TMEM94: variants seen among roughly 807,000 people sequenced by gnomAD.
TMEM94 encodes ER Mg2+ ATPase.
Under a neutral mutation model 158.6 loss-of-function variants are expected in TMEM94, and 81 were observed. That is an observed-to-expected ratio of 0.51 (90% confidence interval 0.43 to 0.61). The LOEUF is 0.61. Ranked by LOEUF, TMEM94 falls within the 20% of genes least tolerant of loss-of-function variation. The pLI, the probability that TMEM94 is intolerant of heterozygous loss-of-function variation, is 0.00. For synonymous variants in TMEM94, 751 were observed against 730.7 expected (o/e 1.03, Z -0.45); for missense variants, 1,435 against 1,762.0 (o/e 0.81, Z 3.32).
chr17:75,463,178 G>A (rs982604243), intron 1 of TMEM94, among the ~76,000 whole-genome samples: 3,565 of 14,772 alleles, frequency 0.24, 668 homozygotes, highest in Middle Eastern at 0.53. Context: ...GTGTGTGTGT[G>A]TATATATATA....
chr17:75,466,063 C>T lies in TMEM94; in HGVS notation c.-106-5737C>T, dbSNP rs1464398102. Among the ~76,000 whole-genome samples, 2 of 152,110 alleles carry T rather than the reference C, an allele frequency of 1.3e-5. 1 individual carries two copies. The highest frequency in any genetic ancestry group is 4.2e-4 in the South Asian group (2 of 4,816). On this transcript the variant is annotated intron_variant, in intron 1 of 31. Coordinates refer to ENST00000314256, the MANE Select transcript of TMEM94 (RefSeq NM_014738.6). ...CCTCACAAGTAGTTAGGACTACAGG[C>T]GTGCTCCACCAGACCTGGCTAAAGT...
Position 75,489,845 on chromosome 17 carries a change from C to G in TMEM94, c.954+183C>G, listed in dbSNP as rs1469322951. The G allele has an allele frequency of 1.6e-6, 1 of 620,760 alleles. No homozygotes were observed. Among genetic ancestry groups the G allele is most frequent in the Non-Finnish European group, 2.9e-6 (1 of 348,954 alleles). 38.5% of individuals were successfully genotyped at this position (620,760 alleles called of 1,614,324 possible). On this transcript the variant is annotated intron_variant, in intron 9 of 31. Transcript: ENST00000314256. The surrounding 1 kb of genome is among the most constrained non-coding windows in gnomAD (Gnocchi z 5.0). ...CCTGTAATCCAAGCACTTTGGGAGGCCACGGCAGGCAGATCATGAGGTCAA... is the reference window on the plus strand; with the variant it reads ...CCTGTAATCCAAGCACTTTGGGAGGGCACGGCAGGCAGATCATGAGGTCAA...
At chr17:75,497,305 C>A (rs2052794268) in intron 26 of TMEM94, 107 bp downstream of exon 26, 4 of 830,908 alleles carry the variant, frequency 4.8e-6, no homozygotes, top group South Asian at 4.3e-5. Flanking sequence ...CAGGTCTCAC[C>A]TCCTCTGGTA....
At position 75,500,030 on chromosome 17, in the gene TMEM94, G is replaced by A. The variant is rs571172426; in HGVS notation, c.*696G>A. 6.5e-6 allele frequency: 1 copy of A among 152,798 alleles called. No individual in the cohort carries two copies. The highest frequency in any genetic ancestry group is 1.5e-5 in the Non-Finnish European group (1 of 68,320). 9.5% of individuals were successfully genotyped at this position (152,798 alleles called of 1,614,324 possible). On this transcript the variant is annotated 3_prime_UTR_variant, in exon 32 of 32. Coordinates refer to ENST00000314256, the MANE Select transcript of TMEM94 (RefSeq NM_014738.6). ...CTGGTGTATATTTTTTACTGGAAAT[G>A]AGCCTTTTAGGAATGAATGTAGACT...
intron 10 of TMEM94, 135 bp downstream of exon 10, chr17:75,490,485 T>G (rs2052066463): frequency 9.6e-7 from 1 of 1,037,152 alleles, no homozygotes. Context: ...TCTCCAGGCC[T>G]CGGGCCCTCT....
In TMEM94 at chr17:75,494,898, G is replaced by A. The variant is rs2052539094; in HGVS notation, c.2592G>A (p.Val864=). The A allele has an allele frequency of 6.2e-7, 1 of 1,613,594 alleles. No individual in the cohort carries two copies. Among genetic ancestry groups the A allele is most frequent in the East Asian group, 2.2e-5 (1 of 44,874 alleles). The part of the protein sequence containing the change: ...FSLEDELKSK[V]FAEKMGLETG... The stretch of plus-strand genomic sequence containing the variant: ...TCATGGCCGTCTGCCTTTCACAGGT[G>A]TTTGCAGAAAAAATGGGCCTGGAGA... The change falls in exon 20 of 32, where the codon GTG becomes GTA. Residue 864 remains valine (V), a splice_region_variant and synonymous_variant. Coordinates refer to ENST00000314256, the MANE Select transcript of TMEM94 (RefSeq NM_014738.6).
chr17:75,468,783 AC>A (rs1300319885), intron 1 of TMEM94, among the ~76,000 whole-genome samples: 2 of 152,138 alleles, frequency 1.3e-5, no homozygotes, highest in African/African-American at 4.8e-5. Flanking sequence ...GGTCCTCCGG[AC>A]ACAGCTTTTA....
chr17:75,491,168 T>C lies in TMEM94; in HGVS notation c.1233+15T>C. Reference sequence around the variant, plus strand: ...GCTCTGTCACGGTGAGGGTGGGCCTTGCGGGGAGGAGGCAACTGTCATGCC... The same window carrying C: ...GCTCTGTCACGGTGAGGGTGGGCCTCGCGGGGAGGAGGCAACTGTCATGCC... On this transcript the variant is annotated intron_variant, in intron 12 of 31. Coordinates refer to ENST00000314256, the MANE Select transcript of TMEM94 (RefSeq NM_014738.6). The surrounding 1 kb of genome is among the most constrained non-coding windows in gnomAD (Gnocchi z 5.1). 1 of 1,600,940 alleles carries C rather than the reference T, an allele frequency of 6.2e-7. No homozygotes were observed. The highest frequency in any genetic ancestry group is 8.5e-7 in the Non-Finnish European group (1 of 1,171,926).
Position 75,493,642 on chromosome 17 carries a change from G to A in TMEM94, c.2189+49G>A, listed in dbSNP as rs774782028. ...CAGCAAGAGCAGTCGCGCTGCCGGG[G>A]CACCTGCCCTTCACAGGCAGGAACA... is the stretch of plus-strand genomic sequence containing the variant. On this transcript the variant is annotated intron_variant, in intron 17 of 31. Coordinates refer to ENST00000314256, the MANE Select transcript of TMEM94 (RefSeq NM_014738.6). 7 of 1,613,028 alleles carry A rather than the reference G, an allele frequency of 4.3e-6. No homozygotes were observed. In the East Asian group the frequency reaches 1.6e-4, roughly 36 times the overall value.
chr17:75,461,739 T>C (rs939788763), intron 1 of TMEM94, among the ~76,000 whole-genome samples: 1 of 151,258 alleles, frequency 6.6e-6, no homozygotes. Context: ...CTGGCTAACA[T>C]GGTGAAACCC....
Position 75,499,395 on chromosome 17 carries a change from TGAACAG to T in TMEM94, c.*63_*68del. 6.8e-7 allele frequency: 1 copy of T among 1,474,960 alleles called. No homozygotes were observed. The highest frequency in any genetic ancestry group is 1.1e-5 in the South Asian group (1 of 87,886). The allele number at this position is 1,474,960 out of a possible 1,614,324, so 91.4% of individuals were successfully genotyped here. On this transcript the variant is annotated 3_prime_UTR_variant, in exon 32 of 32. Coordinates refer to ENST00000314256, the MANE Select transcript of TMEM94 (RefSeq NM_014738.6). ...CTGGGGCTAAAGCCAGACCCATTTCTGAACAGGGGAGTTTGTATCATGAATGTTTCC... is the reference window on the plus strand; with the variant it reads ...CTGGGGCTAAAGCCAGACCCATTTCTGGGAGTTTGTATCATGAATGTTTCC...
chr17:75,465,679 ATTTTTT>A (rs66618031), intron 1 of TMEM94, among the ~76,000 whole-genome samples: 8 of 124,848 alleles, frequency 6.4e-5, no homozygotes, highest in South Asian at 5.0e-4. Context: ...ATATATATAT[ATTTTTT>A]TTTAATCCCA....
At position 75,491,987 on chromosome 17, in the gene TMEM94, G is replaced by A. The variant is rs11867659; in HGVS notation, c.1596+87G>A. 232 of 1,328,458 alleles carry A rather than the reference G, an allele frequency of 1.7e-4. No individual in the cohort carries two copies. The highest frequency in any genetic ancestry group is 1.2e-3 in the Middle Eastern group (5 of 4,158). The allele number at this position is 1,328,458 out of a possible 1,614,324, so 82.3% of individuals were successfully genotyped here. On this transcript the variant is annotated intron_variant, in intron 14 of 31. Transcript: ENST00000314256. The surrounding 1 kb of genome is among the most constrained non-coding windows in gnomAD (Gnocchi z 5.1). The stretch of plus-strand genomic sequence containing the variant: ...TGGCCAGCCTGGCCTCACAAGGTCT[G>A]AAAGAGCAGGCGTCTCTGCCCTCTG...
At chr17:75,470,691 C>T (rs1598326765) in intron 1 of TMEM94, among the ~76,000 whole-genome samples, 2 of 149,536 alleles carry the variant, frequency 1.3e-5, no homozygotes, top group African/African-American at 2.5e-5. Context: ...GGCGACAGAG[C>T]GAGACTCTGT....
chr17:75,470,549 CA>C (rs1194093915), intron 1 of TMEM94, among the ~76,000 whole-genome samples: 19 of 151,274 alleles, frequency 1.3e-4, no homozygotes, highest in African/African-American at 4.1e-4. Flanking sequence ...ACTAAAAATA[CA>C]AAAAATTAGC....
chr17:75,488,002 G>T lies in TMEM94; in HGVS notation c.480G>T (p.Ala160=), dbSNP rs115172070. The T allele has an allele frequency of 6.2e-7, 1 of 1,614,154 alleles. No homozygotes were observed. The highest frequency in any genetic ancestry group is 8.5e-7 in the Non-Finnish European group (1 of 1,180,012). Residue 160 remains alanine (A), a synonymous_variant, in exon 6 of 32, where the codon GCG becomes GCT. Coordinates refer to ENST00000314256, the MANE Select transcript of TMEM94 (RefSeq NM_014738.6). ...AMYPDLHMPF[A]PSWSLHWAYR... ...ATCCAGACCTCCACATGCCTTTTGC[G>T]CCATCCTGGTCCTTGCACTGGGCCT...
At chr17:75,486,125 C>T (rs2051583220) in intron 4 of TMEM94, 127 bp downstream of exon 4, 1 of 1,441,696 alleles carries the variant, frequency 6.9e-7, no homozygotes. Context: ...AAGGGAACCT[C>T]CTCAGTCCCT....
intron 1 of TMEM94, among the ~76,000 whole-genome samples, chr17:75,465,655 T>TATATATATATATATATATATATATA (rs9302993): frequency 5.1e-5 from 5 of 98,820 alleles, no homozygotes; most frequent in African/African-American, 2.7e-4. Flanking sequence ...ATAAGAATTT[T>TATATATATATATATATATATATATA]TATATATATA....
At chr17:75,465,645 A>G (rs903163796) in intron 1 of TMEM94, among the ~76,000 whole-genome samples, 4 of 26,856 alleles carry the variant, frequency 1.5e-4, no homozygotes, top group East Asian at 1.2e-3. Flanking sequence ...TTACTGAGCT[A>G]TAAGAATTTT....
Sources: gnomAD v4.1 joint callset for allele counts (sites outside exome capture counted in the v4.1 genomes callset) on GRCh38, gnomAD v4.1.1 for gene constraint, Gnocchi (gnomAD v3.1) non-coding constraint, MANE v1.5 for transcripts, NCBI Gene and HGNC (gene_info 2026-07-23, HGNC 2026-07-21) for gene names.